TSPAN9: variants seen among roughly 807,000 people sequenced by gnomAD.
TSPAN9 encodes tetraspanin 9.
In TSPAN9, 16 loss-of-function variants were observed where a neutral mutation model predicts 31.0. The ratio of observed to expected loss-of-function variants is 0.52; its 90% confidence interval spans 0.35 to 0.78. TSPAN9 has a LOEUF of 0.78. TSPAN9 is among the 30% of genes least tolerant of loss of function. The probability of loss-of-function intolerance (pLI) is 0.01; values close to 1 mark genes in which losing one functional copy is unlikely to be tolerated. For synonymous variants in TSPAN9, 145 were observed against 121.6 expected, an observed-to-expected ratio of 1.19 and a Z score of -1.27; for missense variants, 272 against 312.5, an observed-to-expected ratio of 0.87 and a Z score of 0.98.
intron 2 of TSPAN9, among the ~76,000 whole-genome samples, chr12:3,121,535 T>G (rs12825692): frequency 0.02 from 396 of 19,760 alleles, 39 homozygotes; most frequent in East Asian, 0.19. Flanking sequence ...AATTAAAACT[T>G]TTTTTTTTTT....
rs191127185 is a variant in TSPAN9 at position 3,100,031 on chromosome 12, C to T, written c.-18+16312C>T. On this transcript the variant is annotated intron_variant, in intron 2 of 8. Coordinates refer to ENST00000011898, the MANE Select transcript of TSPAN9 (RefSeq NM_006675.5). ...TAATTTTTTGTATTTTTAGTAGAGA[C>T]GGGGTTTCACCATGTTAGCCGGGAT... Among the ~76,000 whole-genome samples the T allele has an allele frequency of 9.9e-4, 150 of 152,064 alleles. 2 individuals carry two copies. Among genetic ancestry groups the T allele is most frequent in the African/African-American group, 3.3e-3 (136 of 41,482 alleles).
At chr12:3,085,652 G>A (rs1347061857) in intron 2 of TSPAN9, among the ~76,000 whole-genome samples, 2 of 152,144 alleles carry the variant, frequency 1.3e-5, no homozygotes, top group Non-Finnish European at 2.9e-5. Flanking sequence ...AAGTCGATTG[G>A]CTTCTTCAGG....
chr12:3,232,881 T>C (rs2098391517), intron 3 of TSPAN9, among the ~76,000 whole-genome samples: 1 of 152,210 alleles, frequency 6.6e-6, no homozygotes, highest in South Asian at 2.1e-4. Flanking sequence ...ATAGGAAGTT[T>C]TCTTGCTGGG....
Position 3,281,779 on chromosome 12 carries a change from G to C in TSPAN9, c.610G>C (p.Val204Leu). The change falls in exon 8 of 9, where the codon GTG becomes CTG. Residue 204 changes from valine (V) to leucine (L), a missense_variant. Physicochemically the swap from Val to Leu is conservative, Grantham distance 32. Coordinates refer to ENST00000011898, the MANE Select transcript of TSPAN9 (RefSeq NM_006675.5). ...VKMWFDDNKH[V>L]LGTVGMCILI... ...GATGTGGTTCGATGACAATAAGCAC[G>C]TGCTGGGCACGGTGGGGATGTGCAT... 1.2e-6 allele frequency: 2 copies of C among 1,614,186 alleles called. No homozygotes were observed. The highest frequency in any genetic ancestry group is 1.7e-6 in the Non-Finnish European group (2 of 1,180,014).
chr12:3,281,790 G>A lies in TSPAN9; in HGVS notation c.621G>A (p.Thr207=), dbSNP rs755556487. 18 of 1,614,072 alleles carry A rather than the reference G, an allele frequency of 1.1e-5. No homozygotes were observed. The East Asian group carries it at 1.6e-4, about 14-fold the overall frequency. The change falls in exon 8 of 9, where the codon ACG becomes ACA. Residue 207 remains threonine, a synonymous_variant. Transcript: ENST00000011898. ...ATGACAATAAGCACGTGCTGGGCAC[G>A]GTGGGGATGTGCATCCTCATCATGC... ...WFDDNKHVLG[T]VGMCILIMQI...
intron 2 of TSPAN9, among the ~76,000 whole-genome samples, chr12:3,196,922 G>A (rs2098367317): frequency 6.6e-6 from 1 of 152,182 alleles, no homozygotes; most frequent in African/African-American, 2.4e-5. Context: ...CAAAGTGTGA[G>A]CTGGGCAGAA....
chr12:3,082,097 A>C (rs2098298229), intron 1 of TSPAN9, among the ~76,000 whole-genome samples: 1 of 152,112 alleles, frequency 6.6e-6, no homozygotes, highest in African/African-American at 2.4e-5. Context: ...GAGTTGAGAA[A>C]TGGGCTCGAA....
Position 3,278,689 on chromosome 12 carries a change from G to A in TSPAN9, c.255+77G>A, listed in dbSNP as rs1208702878. 3.2e-6 allele frequency: 5 copies of A among 1,546,448 alleles called. No homozygotes were observed. The African/African-American group carries it at 5.5e-5, about 17-fold the overall frequency. Reference sequence around the variant, plus strand: ...TGGACCCCTGGGACAGGCAAGACCTGGAATATTAGCCACCTGGGTGTCCAA... The same window carrying A: ...TGGACCCCTGGGACAGGCAAGACCTAGAATATTAGCCACCTGGGTGTCCAA... On this transcript the variant is annotated intron_variant, in intron 4 of 8. Transcript: ENST00000011898.
intron 3 of TSPAN9, among the ~76,000 whole-genome samples, chr12:3,226,778 A>T (rs1490068087): frequency 0.034 from 57 of 1,678 alleles, 12 homozygotes; most frequent in Admixed American, 0.065. Flanking sequence ...ATATATATAT[A>T]TATATATATA....
At chr12:3,267,877 C>A (rs1565638965) in intron 3 of TSPAN9, among the ~76,000 whole-genome samples, 1 of 152,190 alleles carries the variant, frequency 6.6e-6, no homozygotes, top group Non-Finnish European at 1.5e-5. Context: ...CCCACTCCTG[C>A]CCAACGTAGA....
chr12:3,236,210 T>G (rs535688954), intron 3 of TSPAN9, among the ~76,000 whole-genome samples: 1 of 152,344 alleles, frequency 6.6e-6, no homozygotes, highest in African/African-American at 2.4e-5. Flanking sequence ...AGCCAGTTGC[T>G]TAATGTCTCT....
intron 3 of TSPAN9, among the ~76,000 whole-genome samples, chr12:3,207,728 G>C (rs1191995386): frequency 6.6e-6 from 1 of 152,168 alleles, no homozygotes; most frequent in Non-Finnish European, 1.5e-5. Flanking sequence ...CCTTGCAGTG[G>C]CTAGCTCACT....
chr12:3,229,350 C>A (rs529190965), intron 3 of TSPAN9, among the ~76,000 whole-genome samples: 2 of 152,186 alleles, frequency 1.3e-5, no homozygotes, highest in South Asian at 4.1e-4. Context: ...GCCTGGCCTT[C>A]GAGGTGCCTT....
intron 2 of TSPAN9, among the ~76,000 whole-genome samples, chr12:3,118,938 G>A (rs969247225): frequency 3.3e-5 from 5 of 152,218 alleles, no homozygotes; most frequent in Non-Finnish European, 5.9e-5. Flanking sequence ...GTGTGGGAGA[G>A]CTGTGGGCGC....
intron 2 of TSPAN9, among the ~76,000 whole-genome samples, chr12:3,119,085 A>G (rs78172612): frequency 0.048 from 7,260 of 152,102 alleles, 524 homozygotes; most frequent in African/African-American, 0.16. Context: ...AAGGTAGGGG[A>G]ATGTTGTTTA....
At chr12:3,118,397 G>T (rs373601600) in intron 2 of TSPAN9, among the ~76,000 whole-genome samples, 52 of 151,312 alleles carry the variant, frequency 3.4e-4, no homozygotes, top group African/African-American at 1.1e-3. Context: ...GAGTAGCTGG[G>T]ATGACAGGCA....
chr12:3,108,058 C>T (rs1356164048), intron 2 of TSPAN9, among the ~76,000 whole-genome samples: 1 of 151,590 alleles, frequency 6.6e-6, no homozygotes, highest in African/African-American at 2.4e-5. Flanking sequence ...CTAAGCGTTC[C>T]CCTCTGGGTG....
At chr12:3,278,633 C>T (rs928624748) in intron 4 of TSPAN9, 21 bp downstream of exon 4, 1 of 1,604,720 alleles carries the variant, frequency 6.2e-7, no homozygotes, top group Non-Finnish European at 8.5e-7. Context: ...TCCAAATCCC[C>T]AGCCCCTCCA....
At position 3,283,352 on chromosome 12, in the gene TSPAN9, C is replaced by T. The variant is rs767936323; in HGVS notation, c.*236C>T. 4.2e-5 allele frequency: 21 copies of T among 503,264 alleles called. No individual in the cohort carries two copies. The highest frequency in any genetic ancestry group is 1.0e-4 in the East Asian group (3 of 29,236). The allele number at this position is 503,264 out of a possible 1,614,324, so 31.2% of individuals were successfully genotyped here. Reference sequence around the variant, plus strand: ...CCCTGGATTCCTGCATCTGCATATGCGTATTTGCCAAAGACGACAGGGTGG... The same window carrying T: ...CCCTGGATTCCTGCATCTGCATATGTGTATTTGCCAAAGACGACAGGGTGG... On this transcript the variant is annotated 3_prime_UTR_variant, in exon 9 of 9. Coordinates refer to ENST00000011898, the MANE Select transcript of TSPAN9 (RefSeq NM_006675.5).
Sources: gnomAD v4.1 joint callset for allele counts (sites outside exome capture counted in the v4.1 genomes callset) on GRCh38, gnomAD v4.1.1 for gene constraint, MANE v1.5 for transcripts, NCBI Gene and HGNC (gene_info 2026-07-23, HGNC 2026-07-21) for gene names.